Variants in DEUP1 observed in about 807,000 individuals in gnomAD.
The protein encoded by DEUP1 is coiled-coil domain containing 67.
DEUP1 carries 82 observed loss-of-function variants against 87.4 expected under a neutral mutation model. The observed-to-expected ratio is 0.94, with a 90% CI of 0.78 to 1.13. DEUP1 has a LOEUF of 1.13. Ranked by LOEUF, DEUP1 falls within the 50% of genes most tolerant of loss-of-function variation. DEUP1 has a pLI of 0.00. For missense variants in DEUP1, 663 were observed against 681.5 expected (o/e 0.97, Z 0.30); for synonymous variants, 214 against 222.7 (o/e 0.96, Z 0.35).
At chr11:93,368,545 AAGAG>A (rs1340260413) in intron 5 of DEUP1, among the ~76,000 whole-genome samples, 1 of 152,142 alleles carries the variant, frequency 6.6e-6, no homozygotes, top group Non-Finnish European at 1.5e-5. Flanking sequence ...ACAGGAGAGA[AAGAG>A]AGAGAAAAGG....
rs1404088866 is a variant in DEUP1 at position 93,393,059 on chromosome 11, C to G, written c.1042-1400C>G. 2.7e-5 allele frequency among the ~76,000 whole-genome samples: 4 copies of G among 146,216 alleles called. No individual in the cohort carries two copies. The South Asian group carries it at 8.6e-4, about 31-fold the overall frequency. ...CCTCCTTCTACTTCTTTCTCCTCCT[C>G]CTCCTCCTTCTTCTTCTCTTCCTCC... On this transcript the variant is annotated intron_variant, in intron 9 of 13. Coordinates refer to ENST00000298050, the MANE Select transcript of DEUP1 (RefSeq NM_181645.4).
chr11:93,353,738 A>G (rs1206856054), intron 2 of DEUP1, among the ~76,000 whole-genome samples: 1 of 152,256 alleles, frequency 6.6e-6, no homozygotes, highest in Non-Finnish European at 1.5e-5. Flanking sequence ...CTGAAGCCAC[A>G]GCCCAAGCTC....
intron 12 of DEUP1, among the ~76,000 whole-genome samples, chr11:93,413,182 CA>C (rs1591248231): frequency 6.6e-6 from 1 of 151,120 alleles, no homozygotes; most frequent in Non-Finnish European, 1.5e-5. Context: ...GAATTTGAAC[CA>C]TTAGTAAAAA....
chr11:93,401,363 C>G (rs1947111800), intron 11 of DEUP1, among the ~76,000 whole-genome samples: 1 of 152,016 alleles, frequency 6.6e-6, no homozygotes, highest in Non-Finnish European at 1.5e-5. Context: ...AATGACAATA[C>G]TACTCACAGC....
At chr11:93,389,421 G>A (rs2134340468) in intron 9 of DEUP1, among the ~76,000 whole-genome samples, 1 of 152,296 alleles carries the variant, frequency 6.6e-6, no homozygotes, top group Admixed American at 6.5e-5. Flanking sequence ...AGACTCTGGT[G>A]CTCAACCACA....
chr11:93,427,647 C>T (rs1947966352), intron 13 of DEUP1, among the ~76,000 whole-genome samples: 1 of 150,900 alleles, frequency 6.6e-6, no homozygotes, highest in African/African-American at 2.4e-5. Context: ...AACTAAAGAG[C>T]TTCTGCACAG....
chr11:93,335,644 G>A (rs540383879), intron 2 of DEUP1, among the ~76,000 whole-genome samples: 1 of 152,144 alleles, frequency 6.6e-6, no homozygotes, highest in Admixed American at 6.5e-5. Context: ...ATAAAATATA[G>A]CACAAGTATA....
At chr11:93,409,228 A>T (rs1947366510) in intron 12 of DEUP1, among the ~76,000 whole-genome samples, 1 of 152,208 alleles carries the variant, frequency 6.6e-6, no homozygotes, top group African/African-American at 2.4e-5. Context: ...GAAGGAATCT[A>T]TGGATGTATA....
At chr11:93,368,489 C>T (rs781707800) in intron 5 of DEUP1, among the ~76,000 whole-genome samples, 33 of 152,300 alleles carry the variant, frequency 2.2e-4, no homozygotes, top group Non-Finnish European at 4.0e-4. Context: ...AACTTAGAAT[C>T]ATGGCAGAAG....
chr11:93,400,374 A>G (rs376177854), intron 11 of DEUP1, among the ~76,000 whole-genome samples: 3 of 151,900 alleles, frequency 2.0e-5, no homozygotes, highest in African/African-American at 4.8e-5. Context: ...CTTGACTTGT[A>G]GATACATCAG....
intron 13 of DEUP1, among the ~76,000 whole-genome samples, chr11:93,419,479 A>C (rs1358157771): frequency 1.3e-5 from 2 of 152,146 alleles, no homozygotes; most frequent in East Asian, 3.8e-4. Context: ...GCAGATTAGC[A>C]TTCAAAGTGG....
intron 13 of DEUP1, among the ~76,000 whole-genome samples, chr11:93,419,724 A>C (rs1245441698): frequency 3.3e-5 from 5 of 151,988 alleles, no homozygotes; most frequent in Non-Finnish European, 7.4e-5. Flanking sequence ...TGTATAAAGA[A>C]CTATTACTGT....
At chr11:93,349,504 G>A (rs984296957) in intron 2 of DEUP1, among the ~76,000 whole-genome samples, 1 of 152,008 alleles carries the variant, frequency 6.6e-6, no homozygotes, top group Non-Finnish European at 1.5e-5. Flanking sequence ...AAGGATCTGT[G>A]AGACCCCCTC....
intron 2 of DEUP1, among the ~76,000 whole-genome samples, chr11:93,336,829 TACTTGGCTTTGTCC>T (rs1943791094): frequency 6.6e-6 from 1 of 152,226 alleles, no homozygotes; most frequent in Non-Finnish European, 1.5e-5. Context: ...GTTGGTTTGC[TACTTGGCTTTGTCC>T]ACTGCTAGTT....
chr11:93,383,812 C>G (rs1946413559), intron 7 of DEUP1, among the ~76,000 whole-genome samples: 1 of 152,072 alleles, frequency 6.6e-6, no homozygotes, highest in African/African-American at 2.4e-5. Context: ...CACTAGAGGT[C>G]TATTTAACTT....
intron 9 of DEUP1, among the ~76,000 whole-genome samples, chr11:93,392,718 T>C (rs184981194): frequency 1.4e-3 from 216 of 152,154 alleles, no homozygotes; most frequent in Non-Finnish European, 1.9e-3. Flanking sequence ...TACTGAAATG[T>C]TTAAAGGTGA....
At chr11:93,416,584 A>G (rs372914106) in intron 13 of DEUP1, among the ~76,000 whole-genome samples, 13 of 151,692 alleles carry the variant, frequency 8.6e-5, no homozygotes, top group African/African-American at 2.2e-4. Context: ...ATTCACAGCC[A>G]AATTCTACCA....
At chr11:93,381,514 C>A (rs1946303589) in intron 7 of DEUP1, among the ~76,000 whole-genome samples, 1 of 152,152 alleles carries the variant, frequency 6.6e-6, no homozygotes, top group Non-Finnish European at 1.5e-5. Flanking sequence ...TGTCTTTCCA[C>A]AACCTTGAAA....
intron 2 of DEUP1, among the ~76,000 whole-genome samples, chr11:93,351,713 C>A (rs1055794980): frequency 3.3e-5 from 5 of 152,136 alleles, no homozygotes; most frequent in African/African-American, 7.2e-5. Flanking sequence ...AAATTGAAAG[C>A]CTCTGGGCCT....
Sources: gnomAD v4.1 joint callset for allele counts (sites outside exome capture counted in the v4.1 genomes callset) on GRCh38, gnomAD v4.1.1 for gene constraint, MANE v1.5 for transcripts, NCBI Gene and HGNC (gene_info 2026-07-23, HGNC 2026-07-21) for gene names.